Variants in SDK1 observed in about 807,000 individuals in gnomAD.
SDK1 encodes sidekick cell adhesion molecule 1, also known as protein sidekick-1.
A neutral mutation model predicts 245.5 loss-of-function variants in SDK1; 157 were observed. The observed-to-expected ratio is 0.64, with a 90% CI of 0.56 to 0.73. The LOEUF is 0.73. SDK1 is among the 30% of genes least tolerant of loss of function. The pLI is 0.00. For synonymous variants in SDK1, 1,647 were observed against 1,278.5 expected (o/e 1.29, Z -6.15); for missense variants, 3,583 against 3,002.3 (o/e 1.19, Z -4.52).
chr7:3,454,388 T>TTGTG (rs60437983), intron 1 of SDK1, among the ~76,000 whole-genome samples: 8,435 of 141,732 alleles, frequency 0.06, 273 homozygotes, highest in African/African-American at 0.069. Context: ...TCCCCAAGAT[T>TTGTG]TGTGTGTGTG....
intron 1 of SDK1, among the ~76,000 whole-genome samples, chr7:3,305,358 TG>T (rs1436443971): frequency 2.0e-5 from 3 of 152,238 alleles, no homozygotes; most frequent in Non-Finnish European, 4.4e-5. Flanking sequence ...ATCCTCGTGT[TG>T]GTTAATCCCA....
intron 4 of SDK1, among the ~76,000 whole-genome samples, chr7:3,767,846 A>G (rs1241292406): frequency 6.6e-6 from 1 of 152,248 alleles, no homozygotes; most frequent in Non-Finnish European, 1.5e-5. Flanking sequence ...ACAACAAAGT[A>G]TTATGCAGGT....
chr7:3,646,960 A>C (rs1782858502), intron 4 of SDK1, among the ~76,000 whole-genome samples: 1 of 152,172 alleles, frequency 6.6e-6, no homozygotes, highest in Non-Finnish European at 1.5e-5. Context: ...GGAAGGAGGG[A>C]GTGGGGAGTT....
intron 7 of SDK1, among the ~76,000 whole-genome samples, chr7:3,956,181 T>G (rs1354290097): frequency 3.3e-5 from 5 of 152,202 alleles, no homozygotes; most frequent in Admixed American, 2.6e-4. Flanking sequence ...CAGTTGCCAC[T>G]GACAGGCTAA....
chr7:3,620,671 C>G (rs912708943), intron 2 of SDK1, among the ~76,000 whole-genome samples: 3 of 152,102 alleles, frequency 2.0e-5, no homozygotes, highest in Non-Finnish European at 4.4e-5. Flanking sequence ...CCTCTGCAGA[C>G]CAGTCAGAAG....
chr7:3,621,427 G>T (rs1202730226), intron 2 of SDK1, among the ~76,000 whole-genome samples: 2 of 152,144 alleles, frequency 1.3e-5, no homozygotes, highest in East Asian at 3.9e-4. Flanking sequence ...ATAGTGCTTT[G>T]TATGCCCCAG....
At chr7:3,737,210 G>A (rs892864756) in intron 4 of SDK1, among the ~76,000 whole-genome samples, 3 of 152,196 alleles carry the variant, frequency 2.0e-5, no homozygotes, top group African/African-American at 4.8e-5. Flanking sequence ...TGCTGGGCAG[G>A]GCCATAGGCT....
chr7:4,059,146 TAAAAAC>T (rs112774955), intron 19 of SDK1, among the ~76,000 whole-genome samples: 7,593 of 151,992 alleles, frequency 0.05, 321 homozygotes, highest in African/African-American at 0.11. Context: ...GCTGAATGGA[TAAAAAC>T]AAAAACAAAA....
intron 7 of SDK1, chr7:3,952,187 A>ACCGAGATCT: frequency 2.1e-6 from 1 of 474,956 alleles, no homozygotes; most frequent in South Asian, 2.4e-5. Flanking sequence ...AGAGCGGTGA[A>ACCGAGATCT]ACCCCTGTCA....
chr7:4,235,534 G>T (rs1015025927), intron 41 of SDK1, among the ~76,000 whole-genome samples: 1 of 152,164 alleles, frequency 6.6e-6, no homozygotes, highest in Non-Finnish European at 1.5e-5. Context: ...TTTTAATTAT[G>T]AATATTTTAA....
At chr7:3,334,326 C>A (rs4343998) in intron 1 of SDK1, among the ~76,000 whole-genome samples, 37,552 of 152,118 alleles carry the variant, frequency 0.25, 4,957 homozygotes, top group East Asian at 0.42. Context: ...TCTCATTCTA[C>A]GCTGGCCTCT....
At chr7:3,314,170 A>G (rs1045228673) in intron 1 of SDK1, among the ~76,000 whole-genome samples, 10 of 151,772 alleles carry the variant, frequency 6.6e-5, no homozygotes, top group African/African-American at 2.4e-4. Context: ...AGGGATACAT[A>G]TAGGCAAGCC....
chr7:4,181,504 T>C (rs1243404437), intron 35 of SDK1, among the ~76,000 whole-genome samples: 5 of 152,130 alleles, frequency 3.3e-5, no homozygotes, highest in Non-Finnish European at 7.4e-5. Context: ...GAGGTTAGCA[T>C]CACGGTGTGA....
intron 14 of SDK1, among the ~76,000 whole-genome samples, chr7:4,006,155 A>G (rs1018242021): frequency 1.3e-5 from 2 of 152,202 alleles, no homozygotes; most frequent in Admixed American, 6.5e-5. Context: ...GCTCTTTTTT[A>G]TTGGAAAAAG....
chr7:3,688,373 A>T (rs1192061483), intron 4 of SDK1, among the ~76,000 whole-genome samples: 1 of 152,252 alleles, frequency 6.6e-6, no homozygotes, highest in Non-Finnish European at 1.5e-5. Flanking sequence ...CCCTTTGGCA[A>T]GTTAGTTAAT....
At chr7:3,956,285 A>G (rs190295916) in intron 7 of SDK1, among the ~76,000 whole-genome samples, 1 of 152,216 alleles carries the variant, frequency 6.6e-6, no homozygotes, top group Non-Finnish European at 1.5e-5. Context: ...CCAGTGTTTA[A>G]CTCACGGGCT....
intron 2 of SDK1, among the ~76,000 whole-genome samples, chr7:3,626,757 C>G (rs1217331328): frequency 1.3e-5 from 2 of 152,154 alleles, no homozygotes; most frequent in Non-Finnish European, 2.9e-5. Flanking sequence ...ATGAAGTTCA[C>G]AAAGTGAGTA....
chr7:3,704,810 T>C (rs562882642), intron 4 of SDK1, among the ~76,000 whole-genome samples: 57 of 152,228 alleles, frequency 3.7e-4, no homozygotes, highest in Admixed American at 1.2e-3. Flanking sequence ...TAATAGAGTT[T>C]TATGGTTTCA....
intron 1 of SDK1, among the ~76,000 whole-genome samples, chr7:3,304,415 G>A (rs370127479): frequency 2.0e-5 from 3 of 152,152 alleles, no homozygotes; most frequent in African/African-American, 7.2e-5. Context: ...TGTGAAGTCC[G>A]TGGTGCCTTT....
Sources: gnomAD v4.1 joint callset for allele counts (sites outside exome capture counted in the v4.1 genomes callset) on GRCh38, gnomAD v4.1.1 for gene constraint, MANE v1.5 for transcripts, NCBI Gene and HGNC (gene_info 2026-07-23, HGNC 2026-07-21) for gene names.